GRB10: variants seen among roughly 807,000 people sequenced by gnomAD.
GRB10 encodes the protein growth factor receptor-bound protein 10.
Under a neutral mutation model 80.9 loss-of-function variants are expected in GRB10, and 20 were observed. The observed-to-expected ratio is 0.25, with a 90% CI of 0.17 to 0.36. The LOEUF is 0.36. Ranked by LOEUF, GRB10 falls within the 10% of genes least tolerant of loss-of-function variation. The pLI is 1.00. For synonymous variants in GRB10, 291 were observed against 291.5 expected, an observed-to-expected ratio of 1.00 and a Z score of 0.02; for missense variants, 548 against 747.7, an observed-to-expected ratio of 0.73 and a Z score of 3.12.
rs75559819 is a variant in GRB10, at chr7:50,693,594, A to G, written c.139+10227T>C. 5.9e-3 allele frequency among the ~76,000 whole-genome samples: 893 copies of G among 152,304 alleles called. 15 individuals are homozygous for G. Among genetic ancestry groups the G allele is most frequent in the African/African-American group, 0.021 (862 of 41,564 alleles). ...TTTGTGTAGGATGTCTCCAACTGAGAGAATGAACTACTTACACTTCCTGGG... is the reference window on the plus strand; with the variant it reads ...TTTGTGTAGGATGTCTCCAACTGAGGGAATGAACTACTTACACTTCCTGGG... On this transcript the variant is annotated intron_variant, in intron 5 of 18. Coordinates refer to ENST00000401949, the MANE Select transcript of GRB10 (RefSeq NM_001350814.2).
At chr7:50,603,446 C>T in intron 17 of GRB10, among the ~76,000 whole-genome samples, 1 of 152,202 alleles carries the variant, frequency 6.6e-6, no homozygotes. Flanking sequence ...AAGTAATCTG[C>T]TGCAGACACA....
intron 4 of GRB10, among the ~76,000 whole-genome samples, chr7:50,706,224 GT>G (rs1405831658): frequency 6.6e-6 from 1 of 152,108 alleles, no homozygotes; most frequent in African/African-American, 2.4e-5. Context: ...GTAAATAATT[GT>G]GTTTTCCTGT....
rs565120259 is a variant in GRB10 at position 50,619,305 on chromosome 7, C to T, written c.662-20G>A. On this transcript the variant is annotated intron_variant, in intron 8 of 18. Transcript: ENST00000401949. ...ACCTCTCTGCAGGGGCAAAGCATCA[C>T]GTGTGAGACGCAACAGGTGGGAAAT... 8 of 1,400,482 alleles carry T rather than the reference C, an allele frequency of 5.7e-6. No individual in the cohort carries two copies. The highest frequency in any genetic ancestry group is 4.6e-5 in the East Asian group (2 of 43,902). 86.8% of individuals were successfully genotyped at this position (1,400,482 alleles called of 1,614,324 possible). A position where few individuals can be genotyped will look rare whatever the true frequency, so the allele number is the denominator to read the frequency against.
chr7:50,597,461 C>T (rs1219817966), intron 17 of GRB10, among the ~76,000 whole-genome samples: 1 of 152,226 alleles, frequency 6.6e-6, no homozygotes, highest in African/African-American at 2.4e-5. Flanking sequence ...TCATGTCATT[C>T]CAAATAAAAC....
intron 5 of GRB10, among the ~76,000 whole-genome samples, chr7:50,689,159 T>C (rs2153656414): frequency 6.6e-6 from 1 of 152,272 alleles, no homozygotes; most frequent in Middle Eastern, 3.4e-3. Flanking sequence ...CATTTTGCCA[T>C]GATGCAGAAA....
chr7:50,704,304 C>T (rs905700623), intron 4 of GRB10, among the ~76,000 whole-genome samples: 3 of 152,336 alleles, frequency 2.0e-5, no homozygotes, highest in Admixed American at 1.3e-4. Context: ...GGGACAGAAA[C>T]ATCTAGAGAG....
intron 7 of GRB10, among the ~76,000 whole-genome samples, chr7:50,643,873 T>C (rs983085802): frequency 6.6e-6 from 1 of 152,204 alleles, no homozygotes; most frequent in Non-Finnish European, 1.5e-5. Flanking sequence ...GTAAAGAATA[T>C]ATGAGAGTTC....
chr7:50,745,496 A>C (rs1055267028), intron 3 of GRB10, among the ~76,000 whole-genome samples: 1 of 152,222 alleles, frequency 6.6e-6, no homozygotes, highest in Non-Finnish European at 1.5e-5. Context: ...TTGCCATGAC[A>C]ACACATTACC....
chr7:50,614,289 C>T lies in GRB10; in HGVS notation c.1095+481G>A, dbSNP rs566778395. ...ATGTGCATGTAGATGTGTGTGCACA[C>T]GTGTGTGTGCATGCCAGCACACACA... On this transcript the variant is annotated intron_variant, in intron 12 of 18. Transcript: ENST00000401949. Among the ~76,000 whole-genome samples the T allele has an allele frequency of 7.2e-5, 11 of 152,268 alleles. 1 individual carries two copies. The highest frequency in any genetic ancestry group is 6.2e-4 in the South Asian group (3 of 4,830).
At chr7:50,650,519 C>A (rs2057874379) in intron 7 of GRB10, among the ~76,000 whole-genome samples, 1 of 152,230 alleles carries the variant, frequency 6.6e-6, no homozygotes. Context: ...GAGGATGAAA[C>A]TGACCATGGA....
rs190592625 is a variant in GRB10 at position 50,635,540 on chromosome 7, T to C, written c.505-8562A>G. Among the ~76,000 whole-genome samples the C allele has an allele frequency of 2.4e-3, 358 of 146,868 alleles. 1 individual carries two copies. The highest frequency in any genetic ancestry group is 4.1e-3 in the Non-Finnish European group (275 of 67,000). On this transcript the variant is annotated intron_variant, in intron 7 of 18. Coordinates refer to ENST00000401949, the MANE Select transcript of GRB10 (RefSeq NM_001350814.2). ...AAGATCAGAGCAGAACTAAGTGTTA[T>C]TGAGACCCCAAAAAACAAAACAAAA...
chr7:50,758,624 T>G (rs1043626022), intron 2 of GRB10, among the ~76,000 whole-genome samples: 2 of 152,190 alleles, frequency 1.3e-5, no homozygotes, highest in African/African-American at 4.8e-5. Context: ...TTCAGCCTGT[T>G]CGGCCAGAGA....
intron 7 of GRB10, among the ~76,000 whole-genome samples, chr7:50,656,873 A>G (rs2058704366): frequency 6.6e-6 from 1 of 152,234 alleles, no homozygotes. Context: ...TGAGCTATAA[A>G]ACATCCTCAA....
At chr7:50,657,228 T>C (rs2058735992) in intron 7 of GRB10, among the ~76,000 whole-genome samples, 1 of 152,230 alleles carries the variant, frequency 6.6e-6, no homozygotes, top group African/African-American at 2.4e-5. Context: ...TCTGGGCAGA[T>C]GGAAAGAGCT....
At chr7:50,741,862 A>G (rs1394322172) in intron 3 of GRB10, among the ~76,000 whole-genome samples, 1 of 152,222 alleles carries the variant, frequency 6.6e-6, no homozygotes, top group Admixed American at 6.5e-5. Flanking sequence ...TCCAAGAAAT[A>G]TAATAAAAGA....
intron 7 of GRB10, among the ~76,000 whole-genome samples, chr7:50,656,656 C>A (rs966525885): frequency 1.3e-5 from 2 of 152,226 alleles, no homozygotes; most frequent in African/African-American, 4.8e-5. Flanking sequence ...ACACAGAGTT[C>A]CACCCCTGCT....
At chr7:50,759,564 T>C (rs370894423) in intron 2 of GRB10, among the ~76,000 whole-genome samples, 1 of 152,250 alleles carries the variant, frequency 6.6e-6, no homozygotes. Context: ...ATGTAAATGC[T>C]ATATTGTTTA....
intron 2 of GRB10, among the ~76,000 whole-genome samples, chr7:50,777,483 C>CAGA (rs2077799607): frequency 7.2e-6 from 1 of 139,378 alleles, no homozygotes; most frequent in Non-Finnish European, 1.6e-5. Context: ...TGTAAATATA[C>CAGA]TAATTATAAT....
intron 6 of GRB10, among the ~76,000 whole-genome samples, chr7:50,672,775 C>T (rs2060498982): frequency 6.6e-6 from 1 of 152,202 alleles, no homozygotes; most frequent in Non-Finnish European, 1.5e-5. Context: ...CCTCCATATT[C>T]CCAGGCACTC....
Sources: gnomAD v4.1 joint callset for allele counts (sites outside exome capture counted in the v4.1 genomes callset) on GRCh38, gnomAD v4.1.1 for gene constraint, MANE v1.5 for transcripts, NCBI Gene and HGNC (gene_info 2026-07-23, HGNC 2026-07-21) for gene names.